TG: variants seen among roughly 807,000 people sequenced by gnomAD.
TG encodes thyroid hormones.
Under a neutral mutation model 324.7 loss-of-function variants are expected in TG, and 270 were observed. The ratio of observed to expected loss-of-function variants is 0.83; its 90% confidence interval spans 0.75 to 0.92. TG has a LOEUF of 0.92. TG is among the 40% of genes least tolerant of loss of function. The pLI, the probability that TG is intolerant of heterozygous loss-of-function variation, is 0.00. For synonymous variants in TG, 1,401 were observed against 1,327.0 expected, an observed-to-expected ratio of 1.06 and a Z score of -1.21; for missense variants, 3,591 against 3,456.4, an observed-to-expected ratio of 1.04 and a Z score of -0.98.
chr8:132,964,666 G>A (rs1523067), intron 29 of TG: 252,492 of 536,660 alleles, frequency 0.47, 64,347 homozygotes, highest in Admixed American at 0.55. Context: ...AATCTAATAC[G>A]GCACGTAAAC....
At chr8:132,900,094 C>T in intron 14 of TG, 143 bp from the exon 15 acceptor site, 1 of 709,590 alleles carries the variant, frequency 1.4e-6, no homozygotes, top group South Asian at 1.5e-5. Context: ...CAGGAGAGCA[C>T]CTCTCCCCAC....
chr8:132,917,754 A>G (rs1363920712), intron 20 of TG, among the ~76,000 whole-genome samples: 36 of 151,990 alleles, frequency 2.4e-4, no homozygotes, highest in Non-Finnish European at 2.9e-5. Context: ...TGCGGCTGTC[A>G]ATGTTGGGGG....
chr8:133,046,944 T>C (rs1399069611), intron 41 of TG, among the ~76,000 whole-genome samples: 1 of 152,228 alleles, frequency 6.6e-6, no homozygotes, highest in African/African-American at 2.4e-5. Context: ...TTTTCTCTTC[T>C]TTGATATTGA....
intron 8 of TG, among the ~76,000 whole-genome samples, chr8:132,883,504 A>C (rs1027169614): frequency 6.6e-6 from 1 of 152,194 alleles, no homozygotes; most frequent in African/African-American, 2.4e-5. Flanking sequence ...TGATATGCTA[A>C]TGATCATCTA....
chr8:132,873,186 CATG>C lies in TG; in HGVS notation c.609_611del (p.Met203del), dbSNP rs1266001447. The C allele has an allele frequency of 6.2e-7, 1 of 1,614,152 alleles. No homozygotes were observed. The highest frequency in any genetic ancestry group is 1.1e-5 in the South Asian group (1 of 91,078). On this transcript the variant is annotated inframe_deletion, in exon 5 of 48. Transcript: ENST00000220616. ...AGTGCAAATTTGTCAACACCACAGA[CATG>C]ATGATTTTTGATCTGGTCCACAGCT...
At chr8:132,972,376 G>A (rs1365931000) in intron 33 of TG, 1 of 597,314 alleles carries the variant, frequency 1.7e-6, no homozygotes, top group Non-Finnish European at 2.9e-6. Context: ...GCACATGTTA[G>A]GTGCTTGATA....
intron 41 of TG, among the ~76,000 whole-genome samples, chr8:133,060,514 A>G (rs1842218597): frequency 6.6e-6 from 1 of 152,148 alleles, no homozygotes; most frequent in African/African-American, 2.4e-5. Flanking sequence ...GTGAGAAACC[A>G]AGCAGCATTT....
At position 133,022,050 on chromosome 8, in the gene TG, A is replaced by G. The variant is rs757461186; in HGVS notation, c.6936A>G (p.Glu2312=). ...ACACCATGGACAGGGAGGAGAGTGAAGGATGGCCGGCTATCGACGGCTCCT... is the reference window on the plus strand; with the variant it reads ...ACACCATGGACAGGGAGGAGAGTGAGGGATGGCCGGCTATCGACGGCTCCT... ...FHNTMDREES[E]GWPAIDGSFL... is the part of the protein sequence containing the mutation. Residue 2312 remains glutamate, a synonymous_variant, in exon 40 of 48, where the codon GAA becomes GAG. Coordinates refer to ENST00000220616, the MANE Select transcript of TG (RefSeq NM_003235.5). The G allele has an allele frequency of 2.5e-6, 4 of 1,614,164 alleles. No individual in the cohort carries two copies. In the Admixed American group the frequency reaches 6.7e-5, roughly 27 times the overall value.
chr8:133,060,945 A>T (rs1263285912), intron 41 of TG, among the ~76,000 whole-genome samples: 1 of 152,194 alleles, frequency 6.6e-6, no homozygotes, highest in Non-Finnish European at 1.5e-5. Flanking sequence ...TTTCAAGTTA[A>T]CCACCCAGGC....
chr8:132,873,032 T>C, intron 4 of TG, 30 bp from the exon 5 acceptor site: 3 of 1,613,718 alleles, frequency 1.9e-6, no homozygotes, highest in Non-Finnish European at 2.5e-6. Flanking sequence ...TACTCATATA[T>C]AAGGATTTTT....
At chr8:132,888,595 ATGTGTG>A (rs3832581) in intron 10 of TG, 27 bp downstream of exon 10, 154 of 1,338,166 alleles carry the variant, frequency 1.2e-4, no homozygotes, top group African/African-American at 4.1e-4. Flanking sequence ...GAAGAGTTAA[ATGTGTG>A]TGTGTGTGTG....
At chr8:133,030,140 C>T in intron 41 of TG, 117 bp downstream of exon 41, 10 of 1,275,664 alleles carry the variant, frequency 7.8e-6, no homozygotes, top group Non-Finnish European at 1.1e-5. Flanking sequence ...TGTCCTTTGT[C>T]CTGAGTGTGG....
intron 34 of TG, among the ~76,000 whole-genome samples, chr8:132,983,074 T>C (rs1831083146): frequency 1.3e-5 from 2 of 152,144 alleles, no homozygotes; most frequent in South Asian, 2.1e-4. Flanking sequence ...GCTTGGTCCT[T>C]GAGAGACGAT....
chr8:133,030,072 G>T, intron 41 of TG, 49 bp downstream of exon 41: 1 of 1,610,900 alleles, frequency 6.2e-7, no homozygotes, highest in South Asian at 1.1e-5. Context: ...TGCGGCTGGG[G>T]GAGGTGGTTC....
chr8:132,906,874 A>C lies in TG; in HGVS notation c.3821A>C (p.Gln1274Pro), dbSNP rs1195502180. The C allele has an allele frequency of 6.2e-7, 1 of 1,613,122 alleles. No homozygotes were observed. Among genetic ancestry groups the C allele is most frequent in the South Asian group, 1.1e-5 (1 of 90,924 alleles). ...CTGGAGAGCGGACGCTGGGAGTCACAGCTGCCTCAGCCCCGGGCCTGCCAA... is the reference window on the plus strand; with the variant it reads ...CTGGAGAGCGGACGCTGGGAGTCACCGCTGCCTCAGCCCCGGGCCTGCCAA... ...CSLESGRWESQLPQPRACQRP... is the reference protein window; with the variant it reads ...CSLESGRWESPLPQPRACQRP... Residue 1274 changes from glutamine (Q) to proline (P), a missense_variant, in exon 17 of 48, where the codon CAG becomes CCG. Coordinates refer to ENST00000220616, the MANE Select transcript of TG (RefSeq NM_003235.5).
At chr8:132,893,487 G>C (rs1816630174) in intron 10 of TG, among the ~76,000 whole-genome samples, 1 of 118,476 alleles carries the variant, frequency 8.4e-6, no homozygotes. Flanking sequence ...GTGTGGTGTG[G>C]TGTGTGTGTG....
In TG at chr8:132,888,401, C is replaced by G. The variant is rs1563913658; in HGVS notation, c.2594C>G (p.Pro865Arg). The G allele has an allele frequency of 6.2e-7, 1 of 1,613,982 alleles. No individual in the cohort carries two copies. The highest frequency in any genetic ancestry group is 1.7e-5 in the Admixed American group (1 of 60,014). ...CCCAGGGAGAATATCCTCCTGGAGC[C>G]CTACCTCTTCTGGCAGATCTTAAAT... Reference protein sequence around the residue: ...PQPRENILLEPYLFWQILNGQ... With the variant: ...PQPRENILLERYLFWQILNGQ... The change falls in exon 10 of 48, where the codon CCC (proline) becomes CGC (arginine). Residue 865 changes from proline to arginine, a missense_variant. Transcript: ENST00000220616.
intron 26 of TG, among the ~76,000 whole-genome samples, chr8:132,942,111 T>C (rs1400331599): frequency 2.6e-5 from 4 of 152,252 alleles, no homozygotes; most frequent in Non-Finnish European, 1.5e-5. Flanking sequence ...AATAAATTCA[T>C]GTACTCAGCA....
chr8:133,080,826 G>A lies in TG; in HGVS notation c.7240-14218G>A, dbSNP rs138965959. On this transcript the variant is annotated intron_variant, in intron 41 of 47. Coordinates refer to ENST00000220616, the MANE Select transcript of TG (RefSeq NM_003235.5). ...TGTGTGGATGCCTTTCCCCCTGCAA[G>A]GGCATGGGGCAGGTCCCTTCAGGCC... 4.6e-4 allele frequency among the ~76,000 whole-genome samples: 70 copies of A among 152,284 alleles called. 1 individual carries two copies. The highest frequency in any genetic ancestry group is 1.7e-3 in the African/African-American group (69 of 41,544).
Sources: gnomAD v4.1 joint callset for allele counts (sites outside exome capture counted in the v4.1 genomes callset) on GRCh38, gnomAD v4.1.1 for gene constraint, MANE v1.5 for transcripts, NCBI Gene and HGNC (gene_info 2026-07-23, HGNC 2026-07-21) for gene names.